The following TNS1 variants were observed in gnomAD, a reference collection of about 807,000 sequenced individuals.
TNS1 encodes tensin 1, also known as tensin-1.
In TNS1, 62 loss-of-function variants were observed where a neutral mutation model predicts 168.6. That is an observed-to-expected ratio of 0.37 (90% CI 0.30 to 0.45). The LOEUF (loss-of-function observed/expected upper bound fraction) is 0.45. TNS1 is among the 20% of genes least tolerant of loss of function. The probability of loss-of-function intolerance (pLI) is 1.00; values close to 1 mark genes in which losing one functional copy is unlikely to be tolerated. For missense variants in TNS1, 2,240 were observed against 2,339.4 expected, an observed-to-expected ratio of 0.96 and a Z score of 0.88; for synonymous variants, 934 against 933.2, an observed-to-expected ratio of 1.00 and a Z score of -0.02.
At chr2:217,893,311 A>C in intron 10 of TNS1, 128 bp downstream of exon 10, 2 of 1,416,290 alleles carry the variant, frequency 1.4e-6, no homozygotes, top group Non-Finnish European at 1.9e-6. Context: ...ACAGACTTAT[A>C]TGCTCGCAAA....
rs151081746 is a variant in TNS1, at chr2:217,986,101, C to T, written c.148+4841G>A. Among the ~76,000 whole-genome samples the T allele has an allele frequency of 6.6e-6, 1 of 152,320 alleles. No homozygotes were observed. The highest frequency in any genetic ancestry group is 1.5e-5 in the Non-Finnish European group (1 of 68,026). ...CCAGACCCAGAGAGGTTAAGCATCT[C>T]ACCTGGGGTCACACAGCCAGGTTGT... On this transcript the variant is annotated intron_variant, in intron 2 of 32. Transcript: ENST00000682258. The surrounding 1 kb of genome is among the most constrained non-coding windows in gnomAD (Gnocchi z 4.7).
Position 217,897,845 on chromosome 2 carries a change from G to T in TNS1, c.496C>A (p.Arg166Ser), listed in dbSNP as rs377270295. The part of the protein sequence containing the change: ...ANEENFRSNL[R>S]EVAQMLKSKH... ...GACTTGAGCATCTGCGCCACCTCAC[G>T]GAGGTTGCTCCGGAAGTTCTCCTCA... The change falls in exon 8 of 33, where the codon CGT (arginine) becomes AGT (serine). Residue 166 changes from arginine (R) to serine (S), a missense_variant. By Grantham distance (110) the Arg-to-Ser change is moderately radical. This residue lies in a region of TNS1 where 2,131 missense variants were observed against 2,171.2 expected (regional missense o/e 0.98). Transcript: ENST00000682258. 6.2e-7 allele frequency: 1 copy of T among 1,612,864 alleles called. No homozygotes were observed. Among genetic ancestry groups the T allele is most frequent in the Non-Finnish European group, 8.5e-7 (1 of 1,179,404 alleles).
intron 1 of TNS1, among the ~76,000 whole-genome samples, chr2:218,031,449 G>A (rs1360779043): frequency 6.6e-6 from 1 of 150,678 alleles, no homozygotes. Context: ...ATGTGTGTAT[G>A]AGCATGTCTG....
chr2:217,876,887 T>G (rs2125623533), intron 18 of TNS1, among the ~76,000 whole-genome samples: 1 of 152,260 alleles, frequency 6.6e-6, no homozygotes, highest in South Asian at 2.1e-4. Context: ...CCTCCAGAAC[T>G]ATGAGAAAAT....
chr2:217,918,936 G>A (rs76730390), intron 4 of TNS1, among the ~76,000 whole-genome samples: 24,592 of 152,056 alleles, frequency 0.16, 4,175 homozygotes, highest in African/African-American at 0.43. Flanking sequence ...ACTGAGGCCC[G>A]GGAGAGCCTG....
At chr2:217,888,835 C>A (rs1007164289) in intron 12 of TNS1, among the ~76,000 whole-genome samples, 15 of 152,182 alleles carry the variant, frequency 9.9e-5, no homozygotes, top group South Asian at 6.2e-4. Context: ...ATGTCTTTAT[C>A]AGCAGCATGA....
chr2:217,864,533 AG>A (rs1949086819), intron 18 of TNS1, among the ~76,000 whole-genome samples: 1 of 152,214 alleles, frequency 6.6e-6, no homozygotes, highest in Non-Finnish European at 1.5e-5. Context: ...AAGGAGATGG[AG>A]GAGGCAAAGG....
At chr2:217,893,146 G>A (rs1021591617) in intron 10 of TNS1, 134 bp from the exon 11 acceptor site, 1 of 1,162,474 alleles carries the variant, frequency 8.6e-7, no homozygotes, top group Non-Finnish European at 1.2e-6. Flanking sequence ...ACATAAGGAG[G>A]AAGGGGGCCT....
chr2:217,833,959 T>G (rs1944826002), intron 21 of TNS1, among the ~76,000 whole-genome samples: 1 of 152,262 alleles, frequency 6.6e-6, no homozygotes, highest in African/African-American at 2.4e-5. Flanking sequence ...ATTTGCCTAT[T>G]GAAAGGATAT....
rs4674215 is a variant in TNS1 at position 217,802,166 on chromosome 2, G to A, written c.*2293C>T. 0.22 allele frequency: 34,068 copies of A among 152,240 alleles called. 4,533 individuals carry two copies. Among genetic ancestry groups the A allele is most frequent in the Middle Eastern group, 0.36 (106 of 294 alleles). 9.4% of individuals were successfully genotyped at this position (152,240 alleles called of 1,614,324 possible). A position where few individuals can be genotyped will look rare whatever the true frequency, so the allele number is the denominator to read the frequency against. ...GGGATGGGAAATATCTCCTATCTTG[G>A]AAGATAATTGGGGTTTGCTAGGGAA... is the stretch of plus-strand genomic sequence containing the variant. On this transcript the variant is annotated 3_prime_UTR_variant, in exon 33 of 33. Transcript: ENST00000682258.
At chr2:218,013,255 CAAA>C (rs34465614), upstream of TNS1, among the ~76,000 whole-genome samples, 3 of 132,712 alleles carry the variant, frequency 2.3e-5, no homozygotes. Context: ...GACTCTATCT[CAAA>C]AAAAAAAAAA....
chr2:217,870,328 A>G (rs1266069029), intron 18 of TNS1, among the ~76,000 whole-genome samples: 1 of 152,240 alleles, frequency 6.6e-6, no homozygotes, highest in Non-Finnish European at 1.5e-5. Context: ...CACAGTGCCC[A>G]CCACCTAGCA....
At chr2:218,019,991 C>A (rs1958793688) in intron 1 of TNS1, among the ~76,000 whole-genome samples, 1 of 152,108 alleles carries the variant, frequency 6.6e-6, no homozygotes. Flanking sequence ...GGTAAGAGAG[C>A]CAAGCCCAGA....
chr2:217,804,611 C>A lies in TNS1; in HGVS notation c.5376-8G>T, dbSNP rs377079698. 1 of 1,613,724 alleles carries A rather than the reference C, an allele frequency of 6.2e-7. No homozygotes were observed. Among genetic ancestry groups the A allele is most frequent in the African/African-American group, 1.3e-5 (1 of 74,908 alleles). On this transcript the variant is annotated splice_polypyrimidine_tract_variant and splice_region_variant and intron_variant, in intron 32 of 32. Transcript: ENST00000682258. ...GCCACGAAGCCGAAGAGCCTGCAGG[C>A]GGGAGAGGGCAACGGGCATGAGGGA...
chr2:218,002,468 G>GA (rs1958582571), intron 1 of TNS1, among the ~76,000 whole-genome samples: 1 of 151,956 alleles, frequency 6.6e-6, no homozygotes, highest in African/African-American at 2.4e-5. Flanking sequence ...CTCAGCAACT[G>GA]AGGGGGGGCG....
chr2:217,827,633 C>T (rs1204351109), intron 22 of TNS1, among the ~76,000 whole-genome samples: 1 of 152,228 alleles, frequency 6.6e-6, no homozygotes, highest in African/African-American at 2.4e-5. Context: ...AGACCAATAA[C>T]TCCAGTCTGG....
chr2:217,910,854 T>C (rs968607018), intron 4 of TNS1, among the ~76,000 whole-genome samples: 7 of 151,816 alleles, frequency 4.6e-5, no homozygotes, highest in South Asian at 2.1e-4. Context: ...CATGGGGAAA[T>C]TGAGGTCCAG....
At chr2:218,000,099 C>T (rs1299512532) in intron 1 of TNS1, among the ~76,000 whole-genome samples, 5 of 152,152 alleles carry the variant, frequency 3.3e-5, no homozygotes, top group South Asian at 2.1e-4. Flanking sequence ...CTAAATAAAC[C>T]GTACTTGAAT....
At chr2:217,941,162 A>C (rs564888963) in intron 3 of TNS1, among the ~76,000 whole-genome samples, 1 of 152,302 alleles carries the variant, frequency 6.6e-6, no homozygotes, top group East Asian at 1.9e-4. Flanking sequence ...TTGGTCTACT[A>C]TCTCCAGGCT....
Sources: gnomAD v4.1 joint callset for allele counts (sites outside exome capture counted in the v4.1 genomes callset) on GRCh38, gnomAD v4.1.1 for gene constraint, gnomAD v4.1.1 regional missense constraint, Gnocchi (gnomAD v3.1) non-coding constraint, MANE v1.5 for transcripts, NCBI Gene and HGNC (gene_info 2026-07-23, HGNC 2026-07-21) for gene names.